The following ANKS3 variants were observed in gnomAD, a reference collection of about 807,000 sequenced individuals.
ANKS3 encodes ankyrin repeat and SAM domain-containing protein 3.
A neutral mutation model predicts 80.7 loss-of-function variants in ANKS3; 62 were observed. The ratio of observed to expected loss-of-function variants is 0.77; its 90% CI spans 0.63 to 0.95. The LOEUF (loss-of-function observed/expected upper bound fraction) is 0.95, where lower values mean the gene tolerates loss of function less well. Ranked by LOEUF, ANKS3 falls within the 40% of genes least tolerant of loss-of-function variation. The pLI, the probability that ANKS3 is intolerant of heterozygous loss-of-function variation, is 0.00. For missense variants in ANKS3, 1,150 were observed against 883.6 expected, an observed-to-expected ratio of 1.30 and a Z score of -3.82; for synonymous variants, 489 against 355.3, an observed-to-expected ratio of 1.38 and a Z score of -4.23.
At chr16:4,714,323 G>A (rs1489716621) in intron 6 of ANKS3, 137 bp from the exon 7 acceptor site, 2 of 1,293,094 alleles carry the variant, frequency 1.5e-6, no homozygotes, top group Non-Finnish European at 1.1e-6. Flanking sequence ...ACATCTGCAT[G>A]AGAAAGAGGC....
At position 4,705,154 on chromosome 16, in the gene ANKS3, C is replaced by T. The variant is rs769880148; in HGVS notation, c.809G>A (p.Arg270Gln). 19 of 1,613,552 alleles carry T rather than the reference C, an allele frequency of 1.2e-5. No individual in the cohort carries two copies. The highest frequency in any genetic ancestry group is 5.0e-5 in the Admixed American group (3 of 60,004). Reference sequence around the variant, plus strand: ...AATGCCTGTGATCCTGGCCAGGGCTCGCGGTCCCTCGTGGATGCTGACACC... The same window carrying T: ...AATGCCTGTGATCCTGGCCAGGGCTTGCGGTCCCTCGTGGATGCTGACACC... Reference protein sequence around the residue: ...KKGVSIHEGPRALARITGIGL... With the variant: ...KKGVSIHEGPQALARITGIGL... Residue 270 changes from arginine (R) to glutamine (Q), a missense_variant, in exon 8 of 18, where the codon CGA (arginine) becomes CAA (glutamine). Physicochemically the swap from Arg to Gln is conservative, Grantham distance 43. Coordinates refer to ENST00000304283, the MANE Select transcript of ANKS3 (RefSeq NM_133450.4).
At position 4,698,522 on chromosome 16, in the gene ANKS3, C is replaced by T. The variant is rs1312809904; in HGVS notation, c.1629G>A (p.Leu543=). The T allele has an allele frequency of 6.4e-7, 1 of 1,571,384 alleles. No individual in the cohort carries two copies. The highest frequency in any genetic ancestry group is 8.6e-7 in the Non-Finnish European group (1 of 1,166,676). Residue 543 remains leucine, a synonymous_variant, in exon 14 of 18, where the codon CTG becomes CTA. Transcript: ENST00000304283. ...QELRAVVESC[L]LEQDRAREDL... ...CCTCGCGGGCGCGGTCCTGCTCCAG[C>T]AGGCAGCTCTCCACCACGGCGCGCA...
chr16:4,718,814 T>C (rs150913071), intron 6 of ANKS3, among the ~76,000 whole-genome samples: 1 of 152,332 alleles, frequency 6.6e-6, no homozygotes, highest in African/African-American at 2.4e-5. Flanking sequence ...GAACTCAGTG[T>C]TGAGTTCCTG....
chr16:4,724,754 T>C lies in ANKS3; in HGVS notation c.569A>G (p.Asn190Ser), dbSNP rs769757869. The C allele has an allele frequency of 6.2e-7, 1 of 1,612,984 alleles. No individual in the cohort carries two copies. Among genetic ancestry groups the C allele is most frequent in the East Asian group, 2.2e-5 (1 of 44,808 alleles). The change falls in exon 6 of 18, where the codon AAT (asparagine) becomes AGT (serine). Residue 190 changes from asparagine (N) to serine (S), a missense_variant. Asn to Ser is a conservative substitution (Grantham distance 46). Transcript: ENST00000304283. ...CTAATAATCAGGGTCACTTACGTGA[T>C]TCAGAAAATACTGCACGATTATCTC... ...GHEIIVQYFL[N>S]HGVKVDARDH...
intron 1 of ANKS3, among the ~76,000 whole-genome samples, chr16:4,731,899 T>C (rs896051048): frequency 6.6e-6 from 1 of 152,048 alleles, no homozygotes; most frequent in African/African-American, 2.4e-5. Context: ...GTAGAATCCT[T>C]AGGTACAAGA....
intron 7 of ANKS3, among the ~76,000 whole-genome samples, chr16:4,710,309 G>C (rs2080416669): frequency 6.6e-6 from 1 of 152,170 alleles, no homozygotes; most frequent in South Asian, 2.1e-4. Context: ...TGATGGATAA[G>C]CTAATCACCT....
At chr16:4,729,332 G>T (rs1385224606) in intron 3 of ANKS3, 5 of 152,140 alleles carry the variant, frequency 3.3e-5, no homozygotes, top group Admixed American at 3.3e-4. Context: ...GAACCCTCCG[G>T]GAAAAGAAGG....
chr16:4,725,714 G>C (rs567011890), intron 5 of ANKS3, among the ~76,000 whole-genome samples: 8 of 152,288 alleles, frequency 5.3e-5, no homozygotes, highest in South Asian at 2.1e-4. Context: ...CTGGAGTGCA[G>C]TGGCACGATC....
In ANKS3 at chr16:4,697,526, T is replaced by C. The variant is rs1043489883; in HGVS notation, c.1811-110A>G. ...GAACCTGCTTGGATCAGAACCTCCC[T>C]ACCCGCCTGACAGTGTCTAAGCAAC... On this transcript the variant is annotated intron_variant, in intron 15 of 17. Coordinates refer to ENST00000304283, the MANE Select transcript of ANKS3 (RefSeq NM_133450.4). 4 of 881,538 alleles carry C rather than the reference T, an allele frequency of 4.5e-6. No individual in the cohort carries two copies. The African/African-American group carries it at 5.1e-5, about 11-fold the overall frequency. The allele number at this position is 881,538 out of a possible 1,614,324, so 54.6% of individuals were successfully genotyped here. A position where few individuals can be genotyped will look rare whatever the true frequency, so the allele number is the denominator to read the frequency against.
intron 8 of ANKS3, among the ~76,000 whole-genome samples, chr16:4,703,568 G>A (rs1027136696): frequency 3.3e-5 from 5 of 151,770 alleles, no homozygotes; most frequent in Admixed American, 2.6e-4. Context: ...TTATAGGCAC[G>A]TACTACCATG....
At chr16:4,723,532 C>T (rs1470665187) in intron 6 of ANKS3, among the ~76,000 whole-genome samples, 1 of 152,228 alleles carries the variant, frequency 6.6e-6, no homozygotes, top group African/African-American at 2.4e-5. Flanking sequence ...AAGCGACCCT[C>T]TGGCCTCAGC....
chr16:4,704,081 C>A (rs886987250), intron 8 of ANKS3, among the ~76,000 whole-genome samples: 1 of 152,206 alleles, frequency 6.6e-6, no homozygotes, highest in Admixed American at 6.5e-5. Context: ...GGACGGGACA[C>A]GGGCGGGCCC....
intron 9 of ANKS3, 83 bp from the exon 10 acceptor site, chr16:4,701,626 A>C: frequency 2.5e-6 from 3 of 1,219,678 alleles, no homozygotes; most frequent in Non-Finnish European, 2.3e-6. Context: ...AGCCGCCTCC[A>C]CCAGGGCACT....
chr16:4,727,139 C>G lies in ANKS3; in HGVS notation c.209G>C (p.Trp70Ser). 1 of 1,614,184 alleles carries G rather than the reference C, an allele frequency of 6.2e-7. No individual in the cohort carries two copies. Among genetic ancestry groups the G allele is most frequent in the Non-Finnish European group, 8.5e-7 (1 of 1,180,038 alleles). Residue 70 changes from tryptophan to serine, a missense_variant, in exon 4 of 18, where the codon TGG (tryptophan) becomes TCG (serine). Physicochemically the swap from Trp to Ser is radical, Grantham distance 177. Transcript: ENST00000304283. ...LDLNKKNGGGWTPLMYASYIG... is the reference protein window; with the variant it reads ...LDLNKKNGGGSTPLMYASYIG... ...GTAGGAGGCATACATCAGCGGGGTC[C>G]AGCCACCACCATTCTTCTTATTCAA...
At chr16:4,711,016 T>TGAC (rs928393616) in intron 7 of ANKS3, among the ~76,000 whole-genome samples, 2 of 151,780 alleles carry the variant, frequency 1.3e-5, no homozygotes, top group Non-Finnish European at 2.9e-5. Context: ...CTTGAACTCC[T>TGAC]GACCTCAAGT....
chr16:4,701,147 G>T lies in ANKS3; in HGVS notation c.1120-13C>A, dbSNP rs770035706. Reference sequence around the variant, plus strand: ...CATGATCCGAGTCCTGCAGTGAGAGGCGTGCATCTGAAAGAGTGCGCGGGC... The same window carrying T: ...CATGATCCGAGTCCTGCAGTGAGAGTCGTGCATCTGAAAGAGTGCGCGGGC... On this transcript the variant is annotated splice_polypyrimidine_tract_variant and intron_variant, in intron 10 of 17. Transcript: ENST00000304283. 1.9e-6 allele frequency: 3 copies of T among 1,613,554 alleles called. No homozygotes were observed. Among genetic ancestry groups the T allele is most frequent in the Non-Finnish European group, 2.5e-6 (3 of 1,180,008 alleles).
chr16:4,704,958 A>G, intron 8 of ANKS3, 137 bp downstream of exon 8: 1 of 1,154,602 alleles, frequency 8.7e-7, no homozygotes, highest in Non-Finnish European at 1.2e-6. Flanking sequence ...CTGAGCATGA[A>G]AGCTGGGCCA....
chr16:4,699,315 T>A, intron 11 of ANKS3, 139 bp from the exon 12 acceptor site: 1 of 1,228,524 alleles, frequency 8.1e-7, no homozygotes, highest in Non-Finnish European at 1.1e-6. Context: ...GGCTGTCCCC[T>A]CCTACTCTGG....
At chr16:4,707,153 C>CA (rs1380048710) in intron 7 of ANKS3, among the ~76,000 whole-genome samples, 1 of 152,170 alleles carries the variant, frequency 6.6e-6, no homozygotes. Flanking sequence ...TGAATCTCAG[C>CA]ACCCAACACA....
Sources: gnomAD v4.1 joint callset for allele counts (sites outside exome capture counted in the v4.1 genomes callset) on GRCh38, gnomAD v4.1.1 for gene constraint, MANE v1.5 for transcripts, NCBI Gene and HGNC (gene_info 2026-07-23, HGNC 2026-07-21) for gene names.